The following SLC4A4 variants were observed in gnomAD, a reference collection of about 807,000 sequenced individuals.
SLC4A4 encodes the protein electrogenic sodium bicarbonate cotransporter 1.
SLC4A4 carries 27 observed loss-of-function variants against 111.5 expected under a neutral mutation model. The ratio of observed to expected loss-of-function variants is 0.24; its 90% CI spans 0.18 to 0.33. The LOEUF (loss-of-function observed/expected upper bound fraction) is 0.33. Ranked by LOEUF, SLC4A4 falls within the 10% of genes least tolerant of loss-of-function variation. The pLI is 1.00. For synonymous variants in SLC4A4, 443 were observed against 463.4 expected, an observed-to-expected ratio of 0.96 and a Z score of 0.57; for missense variants, 909 against 1,315.5, an observed-to-expected ratio of 0.69 and a Z score of 4.78.
chr4:71,233,870 G>T (rs1719615696), intron 1 of SLC4A4, among the ~76,000 whole-genome samples: 1 of 152,018 alleles, frequency 6.6e-6, no homozygotes, highest in South Asian at 2.1e-4. Flanking sequence ...AACAGTTCAA[G>T]TCACTCTCCA....
chr4:71,272,248 G>C (rs1015837001), intron 3 of SLC4A4, among the ~76,000 whole-genome samples: 1 of 152,196 alleles, frequency 6.6e-6, no homozygotes, highest in African/African-American at 2.4e-5. Context: ...TAGTGGTGCT[G>C]CTTGAGAGTG....
At chr4:71,160,344 T>G (rs546684849) in intron 2 of SLC4A4, among the ~76,000 whole-genome samples, 1 of 152,144 alleles carries the variant, frequency 6.6e-6, no homozygotes, top group South Asian at 2.1e-4. Context: ...AGGCTTTTTT[T>G]TTTTCTTTTC....
At chr4:71,426,729 G>T (rs570634989) in intron 7 of SLC4A4, among the ~76,000 whole-genome samples, 2 of 152,036 alleles carry the variant, frequency 1.3e-5, no homozygotes, top group Admixed American at 6.6e-5. Flanking sequence ...AATTGCCAAG[G>T]TTATATTATA....
chr4:71,311,894 A>T (rs867948602), intron 3 of SLC4A4, among the ~76,000 whole-genome samples: 27 of 140,906 alleles, frequency 1.9e-4, no homozygotes, highest in Middle Eastern at 3.8e-3. Flanking sequence ...AGGCTGTGAG[A>T]GAGAGAGAGA....
At chr4:71,417,640 C>T (rs1382415320) in intron 7 of SLC4A4, among the ~76,000 whole-genome samples, 2 of 152,066 alleles carry the variant, frequency 1.3e-5, no homozygotes, top group Non-Finnish European at 2.9e-5. Flanking sequence ...TTCTCCTTTC[C>T]TTGTCTCTGT....
At chr4:71,456,672 G>A (rs1175863045) in intron 12 of SLC4A4, among the ~76,000 whole-genome samples, 2 of 152,118 alleles carry the variant, frequency 1.3e-5, no homozygotes, top group African/African-American at 4.8e-5. Context: ...ACTGTTTTAA[G>A]TGCTGGAGAT....
chr4:71,100,435 A>G (rs1373714960), intron 2 of SLC4A4, among the ~76,000 whole-genome samples: 1 of 152,180 alleles, frequency 6.6e-6, no homozygotes, highest in Non-Finnish European at 1.5e-5. Flanking sequence ...CTAGGTATTA[A>G]AGGAAACTAC....
rs537622844 is a variant in SLC4A4, at chr4:71,222,481, G to A, written c.-1-14095G>A. 7.9e-5 allele frequency among the ~76,000 whole-genome samples: 12 copies of A among 152,242 alleles called. No homozygotes were observed. In the East Asian group the frequency reaches 1.9e-3, roughly 24 times the overall value. ...ATCAACTTTTAACACATTATGCAACGATTTTTAAATTTTGGGTATTGTCTA... is the reference window on the plus strand; with the variant it reads ...ATCAACTTTTAACACATTATGCAACAATTTTTAAATTTTGGGTATTGTCTA... On this transcript the variant is annotated intron_variant, in intron 1 of 25. Coordinates refer to ENST00000264485, the MANE Select transcript of SLC4A4 (RefSeq NM_001098484.3).
At chr4:71,555,806 G>A (rs996633579) in intron 21 of SLC4A4, among the ~76,000 whole-genome samples, 1 of 151,902 alleles carries the variant, frequency 6.6e-6, no homozygotes, top group Admixed American at 6.6e-5. Flanking sequence ...GGAGGCTGAG[G>A]TGAAAGGTTC....
chr4:71,164,546 A>G (rs1436984866), intron 2 of SLC4A4, among the ~76,000 whole-genome samples: 2 of 8,674 alleles, frequency 2.3e-4, no homozygotes, highest in Admixed American at 4.7e-3. Flanking sequence ...AAATGAAAAA[A>G]CAAAACAAAC....
chr4:71,143,256 T>C (rs1475645146), intron 2 of SLC4A4, among the ~76,000 whole-genome samples: 4 of 152,180 alleles, frequency 2.6e-5, no homozygotes, highest in Non-Finnish European at 5.9e-5. Flanking sequence ...GCTTCATCCA[T>C]GTCCCTACAA....
intron 4 of SLC4A4, among the ~76,000 whole-genome samples, chr4:71,345,464 G>A (rs1030006086): frequency 3.3e-5 from 5 of 152,092 alleles, no homozygotes; most frequent in South Asian, 4.1e-4. Context: ...CTCCCCCAGC[G>A]TAATTCAAAC....
At chr4:71,380,405 C>T (rs1718008638) in intron 6 of SLC4A4, among the ~76,000 whole-genome samples, 1 of 152,102 alleles carries the variant, frequency 6.6e-6, no homozygotes, top group Non-Finnish European at 1.5e-5. Context: ...ACCAATATTC[C>T]AGGTCTGTCT....
intron 1 of SLC4A4, among the ~76,000 whole-genome samples, chr4:71,210,656 C>T (rs1175447300): frequency 6.6e-6 from 1 of 152,194 alleles, no homozygotes; most frequent in Non-Finnish European, 1.5e-5. Context: ...AGGCTTTCTT[C>T]TTGTTACTGG....
At chr4:71,261,862 T>A (rs1721877587) in intron 3 of SLC4A4, among the ~76,000 whole-genome samples, 1 of 152,108 alleles carries the variant, frequency 6.6e-6, no homozygotes, top group South Asian at 2.1e-4. Flanking sequence ...GACTTATGAG[T>A]TCAGGAGACC....
At chr4:71,268,997 C>G (rs190688623) in intron 3 of SLC4A4, among the ~76,000 whole-genome samples, 64 of 152,306 alleles carry the variant, frequency 4.2e-4, no homozygotes, top group Admixed American at 1.0e-3. Flanking sequence ...TTTAGAAATG[C>G]AAATCAGAGG....
chr4:71,452,948 C>A (rs1036217791), intron 11 of SLC4A4, among the ~76,000 whole-genome samples: 5 of 152,086 alleles, frequency 3.3e-5, no homozygotes, highest in African/African-American at 1.2e-4. Flanking sequence ...TTATTGTCTG[C>A]CTCCTTTTCA....
chr4:71,221,887 T>C (rs1718767638), intron 1 of SLC4A4, among the ~76,000 whole-genome samples: 1 of 152,112 alleles, frequency 6.6e-6, no homozygotes, highest in African/African-American at 2.4e-5. Context: ...CTGCAGAGGA[T>C]TGGGTCAAGT....
At chr4:71,266,974 G>A (rs1033644769) in intron 3 of SLC4A4, among the ~76,000 whole-genome samples, 1 of 152,078 alleles carries the variant, frequency 6.6e-6, no homozygotes, top group African/African-American at 2.4e-5. Context: ...AAGAGAATGT[G>A]GTAATTACTA....
Sources: gnomAD v4.1 joint callset for allele counts (sites outside exome capture counted in the v4.1 genomes callset) on GRCh38, gnomAD v4.1.1 for gene constraint, MANE v1.5 for transcripts, NCBI Gene and HGNC (gene_info 2026-07-23, HGNC 2026-07-21) for gene names.